GRIA2: variants seen among roughly 807,000 people sequenced by gnomAD.
The protein encoded by GRIA2 is glutamate ionotropic receptor AMPA type subunit 2.
GRIA2 carries 14 observed loss-of-function variants against 97.3 expected under a neutral mutation model. That is an observed-to-expected ratio of 0.14 (90% CI 0.10 to 0.23). The LOEUF is 0.23. Ranked by LOEUF, GRIA2 falls within the 10% of genes least tolerant of loss-of-function variation. The pLI, the probability that GRIA2 is intolerant of heterozygous loss-of-function variation, is 1.00. For missense variants in GRIA2, 558 were observed against 1,069.8 expected (o/e 0.52, Z 6.67); for synonymous variants, 412 against 387.8 (o/e 1.06, Z -0.73).
At chr4:157,252,390 A>C (rs1401763254) in intron 2 of GRIA2, among the ~76,000 whole-genome samples, 2 of 152,138 alleles carry the variant, frequency 1.3e-5, no homozygotes, top group East Asian at 3.9e-4. Context: ...ATTTTTTAGA[A>C]GAATAAAGTA....
At chr4:157,309,072 G>T (rs750520242) in intron 3 of GRIA2, among the ~76,000 whole-genome samples, 1 of 152,114 alleles carries the variant, frequency 6.6e-6, no homozygotes, top group South Asian at 2.1e-4. Flanking sequence ...CAAATTACAC[G>T]TCAGATAATG....
At chr4:157,324,369 T>G (rs762435561) in intron 6 of GRIA2, among the ~76,000 whole-genome samples, 6 of 152,080 alleles carry the variant, frequency 3.9e-5, no homozygotes, top group Non-Finnish European at 7.4e-5. Context: ...AAATGAAAAA[T>G]GTATGAATCC....
At chr4:157,260,171 T>C (rs1190954936) in intron 2 of GRIA2, among the ~76,000 whole-genome samples, 1 of 152,158 alleles carries the variant, frequency 6.6e-6, no homozygotes, top group Non-Finnish European at 1.5e-5. Context: ...AGAAGCTATA[T>C]ATAATAGTTT....
At chr4:157,305,293 T>G (rs1733793230) in intron 3 of GRIA2, among the ~76,000 whole-genome samples, 1 of 152,112 alleles carries the variant, frequency 6.6e-6, no homozygotes, top group Non-Finnish European at 1.5e-5. Context: ...TATATGTCTG[T>G]AGACACTCAT....
intron 2 of GRIA2, among the ~76,000 whole-genome samples, chr4:157,245,648 T>C (rs1730699105): frequency 1.3e-5 from 2 of 152,064 alleles, no homozygotes; most frequent in South Asian, 4.1e-4. Context: ...TCATGCTAAG[T>C]AGTAAAGGCA....
At chr4:157,238,253 T>A (rs1453571814) in intron 2 of GRIA2, among the ~76,000 whole-genome samples, 2 of 152,152 alleles carry the variant, frequency 1.3e-5, no homozygotes, top group Admixed American at 1.3e-4. Context: ...ATGGTGCATG[T>A]CATAAACTGT....
chr4:157,267,465 C>A lies in GRIA2; in HGVS notation c.230-36087C>A, dbSNP rs181541407. Reference sequence around the variant, plus strand: ...GGGAGGGATATGAAAAGCAAAATTGCTAAACACTGTAAGGAGTTTCTGCTA... The same window carrying A: ...GGGAGGGATATGAAAAGCAAAATTGATAAACACTGTAAGGAGTTTCTGCTA... On this transcript the variant is annotated intron_variant, in intron 2 of 15. Transcript: ENST00000264426. Among the ~76,000 whole-genome samples the A allele has an allele frequency of 6.0e-5, 9 of 150,838 alleles. No homozygotes were observed. The East Asian group carries it at 1.8e-3, about 30-fold the overall frequency.
At chr4:157,252,499 C>A (rs1731060458) in intron 2 of GRIA2, among the ~76,000 whole-genome samples, 1 of 152,022 alleles carries the variant, frequency 6.6e-6, no homozygotes, top group Non-Finnish European at 1.5e-5. Context: ...ATTGCCTCTG[C>A]CATTGTGAGC....
chr4:157,324,693 G>T (rs920252324), intron 6 of GRIA2, among the ~76,000 whole-genome samples: 1 of 151,654 alleles, frequency 6.6e-6, no homozygotes, highest in African/African-American at 2.4e-5. Flanking sequence ...GAGGAGGGAG[G>T]TCATGTTATG....
In GRIA2 at chr4:157,330,845, C is replaced by T. The variant is rs145729600; in HGVS notation, c.883-1974C>T. ...ACTGAAATATAAATTTCCAACTCAGCTGAGGGATTTCACAGAACATAAACA... is the reference window on the plus strand; with the variant it reads ...ACTGAAATATAAATTTCCAACTCAGTTGAGGGATTTCACAGAACATAAACA... On this transcript the variant is annotated intron_variant, in intron 6 of 15. Coordinates refer to ENST00000264426, the MANE Select transcript of GRIA2 (RefSeq NM_001083619.3). Among the ~76,000 whole-genome samples the T allele has an allele frequency of 3.1e-3, 475 of 151,970 alleles. 2 individuals are homozygous for T. Among genetic ancestry groups the T allele is most frequent in the African/African-American group, 0.011 (439 of 41,500 alleles).
At chr4:157,224,428 T>A (rs1729651405) in intron 2 of GRIA2, among the ~76,000 whole-genome samples, 1 of 152,170 alleles carries the variant, frequency 6.6e-6, no homozygotes, top group African/African-American at 2.4e-5. Flanking sequence ...CATTAACTCA[T>A]TGACTGGGCA....
chr4:157,248,600 T>TAC (rs1554006764), intron 2 of GRIA2, among the ~76,000 whole-genome samples: 4 of 136,984 alleles, frequency 2.9e-5, no homozygotes, highest in Admixed American at 1.5e-4. Context: ...TATGTATATA[T>TAC]ATGTATATAT....
chr4:157,278,870 T>C (rs1157832392), intron 2 of GRIA2, among the ~76,000 whole-genome samples: 2 of 152,038 alleles, frequency 1.3e-5, no homozygotes, highest in African/African-American at 2.4e-5. Context: ...AATAAGCATA[T>C]AAAAAGACTT....
At chr4:157,345,037 A>G (rs2126959340) in intron 12 of GRIA2, among the ~76,000 whole-genome samples, 1 of 152,224 alleles carries the variant, frequency 6.6e-6, no homozygotes, top group African/African-American at 2.4e-5. Context: ...TCTGTTTTGT[A>G]CTGACATGAT....
chr4:157,242,843 C>T (rs759735065), intron 2 of GRIA2, among the ~76,000 whole-genome samples: 6 of 152,036 alleles, frequency 3.9e-5, no homozygotes, highest in Non-Finnish European at 7.4e-5. Context: ...ACACTGAATA[C>T]ATGGCCAACA....
chr4:157,317,832 C>G, intron 5 of GRIA2, 121 bp downstream of exon 5: 1 of 532,324 alleles, frequency 1.9e-6, no homozygotes, highest in Non-Finnish European at 3.4e-6. Context: ...TGTAATTAGC[C>G]AGGTGTAGTG....
chr4:157,261,009 T>C (rs886574111), intron 2 of GRIA2, among the ~76,000 whole-genome samples: 46 of 152,070 alleles, frequency 3.0e-4, no homozygotes, highest in African/African-American at 1.0e-3. Flanking sequence ...AAATAATACC[T>C]TCTAAGACTT....
At chr4:157,245,221 C>G (rs887805544) in intron 2 of GRIA2, among the ~76,000 whole-genome samples, 2 of 151,780 alleles carry the variant, frequency 1.3e-5, no homozygotes, top group African/African-American at 4.8e-5. Flanking sequence ...ATCTCCAACT[C>G]GATTATTGTT....
intron 6 of GRIA2, among the ~76,000 whole-genome samples, chr4:157,323,073 C>T (rs1193909645): frequency 6.6e-6 from 1 of 152,090 alleles, no homozygotes; most frequent in African/African-American, 2.4e-5. Context: ...CAGTGGCTCA[C>T]GCCTGTAATC....
Sources: gnomAD v4.1 joint callset for allele counts (sites outside exome capture counted in the v4.1 genomes callset) on GRCh38, gnomAD v4.1.1 for gene constraint, MANE v1.5 for transcripts, NCBI Gene and HGNC (gene_info 2026-07-23, HGNC 2026-07-21) for gene names.